CYP4X1: variants seen among roughly 807,000 people sequenced by gnomAD.
CYP4X1 encodes the protein cytochrome P450 family 4 subfamily X member 1.
A neutral mutation model predicts 57.9 loss-of-function variants in CYP4X1; 44 were observed. The observed-to-expected ratio is 0.76, with a 90% CI of 0.60 to 0.98. CYP4X1 has a LOEUF of 0.98. Ranked by LOEUF, CYP4X1 falls within the 50% of genes least tolerant of loss-of-function variation. The pLI, the probability that CYP4X1 is intolerant of heterozygous loss-of-function variation, is 0.00. For synonymous variants in CYP4X1, 227 were observed against 228.6 expected (o/e 0.99, Z 0.06); for missense variants, 532 against 623.9 (o/e 0.85, Z 1.57).
chr1:47,033,338 G>A lies in CYP4X1; in HGVS notation c.462G>A (p.Glu154=). ...FHFNILKAYI[E]VMAHSVKMML... is the part of the protein sequence containing the mutation. ...TTAACATCCTGAAAGCATACATTGA[G>A]GTGATGGCTCATTCTGTGAAAATGA... Residue 154 remains glutamate, a synonymous_variant, in exon 4 of 12, where the codon GAG becomes GAA. Transcript: ENST00000371901. 6.2e-7 allele frequency: 1 copy of A among 1,613,772 alleles called. No individual in the cohort carries two copies. Among genetic ancestry groups the A allele is most frequent in the Middle Eastern group, 1.7e-4 (1 of 6,058 alleles).
chr1:46,963,436 T>C, the CYP4X1 span, among the ~76,000 whole-genome samples: 13 of 151,014 alleles, frequency 8.6e-5, no homozygotes, highest in African/African-American at 3.1e-4. Context: ...GGAGCTCTTG[T>C]AAGGCAGGCC....
chr1:47,006,818 G>A, the CYP4X1 span, among the ~76,000 whole-genome samples: 4 of 152,314 alleles, frequency 2.6e-5, no homozygotes, highest in African/African-American at 9.6e-5. Context: ...CTATGCTCAC[G>A]GAGCCTCGCT....
the CYP4X1 span, among the ~76,000 whole-genome samples, chr1:46,970,180 A>G: frequency 6.6e-6 from 1 of 152,216 alleles, no homozygotes; most frequent in Non-Finnish European, 1.5e-5. Context: ...ATTGAGAAAA[A>G]CAAACACCTG....
In CYP4X1 at chr1:47,050,478, A is replaced by G. The variant is rs1644351996; in HGVS notation, c.*304A>G. On this transcript the variant is annotated 3_prime_UTR_variant, in exon 12 of 12. Coordinates refer to ENST00000371901, the MANE Select transcript of CYP4X1 (RefSeq NM_178033.2). ...TTAAAATAGTTTTCAGAATTATGCA[A>G]GTAATAAGTGCATGTATGCTCACTG... is the stretch of plus-strand genomic sequence containing the variant. The G allele has an allele frequency of 4.8e-6, 1 of 208,512 alleles. No homozygotes were observed. Among genetic ancestry groups the G allele is most frequent in the African/African-American group, 2.3e-5 (1 of 42,930 alleles). 12.9% of individuals were successfully genotyped at this position (208,512 alleles called of 1,614,324 possible). A position where few individuals can be genotyped will look rare whatever the true frequency, so the allele number is the denominator to read the frequency against.
At chr1:47,053,156 G>T (rs1424844260), downstream of CYP4X1, among the ~76,000 whole-genome samples, 1 of 152,046 alleles carries the variant, frequency 6.6e-6, no homozygotes, top group Non-Finnish European at 1.5e-5. Context: ...CTATGAGTGA[G>T]AACATGCGGT....
the CYP4X1 span, among the ~76,000 whole-genome samples, chr1:47,004,858 T>C: frequency 5.3e-5 from 8 of 152,312 alleles, no homozygotes; most frequent in South Asian, 1.7e-3. Flanking sequence ...TGTTTTCTTA[T>C]GCTAAATTCT....
chr1:46,989,782 AC>A, the CYP4X1 span, among the ~76,000 whole-genome samples: 1 of 152,242 alleles, frequency 6.6e-6, no homozygotes, highest in African/African-American at 2.4e-5. Flanking sequence ...GACAAACCTG[AC>A]AAAAACAAGA....
the CYP4X1 span, among the ~76,000 whole-genome samples, chr1:47,009,631 T>C: frequency 6.6e-6 from 1 of 152,160 alleles, no homozygotes; most frequent in Non-Finnish European, 1.5e-5. Flanking sequence ...AGCTGGTTTT[T>C]TGAAAAGATC....
chr1:47,039,821 A>G (rs1644226250), intron 8 of CYP4X1: 1 of 194,276 alleles, frequency 5.1e-6, no homozygotes, highest in African/African-American at 2.3e-5. Flanking sequence ...TGCATTGGAA[A>G]TGAGGACTTG....
At chr1:46,975,505 G>A in the CYP4X1 span, among the ~76,000 whole-genome samples, 1 of 152,040 alleles carries the variant, frequency 6.6e-6, no homozygotes, top group Non-Finnish European at 1.5e-5. Flanking sequence ...ATCTCCTCTG[G>A]TTTGTAGATT....
At chr1:46,987,090 T>C in the CYP4X1 span, among the ~76,000 whole-genome samples, 86 of 152,232 alleles carry the variant, frequency 5.6e-4, no homozygotes, top group African/African-American at 1.8e-3. Context: ...GCAAATTGGA[T>C]AAAGAGTCAA....
chr1:47,053,893 GT>G (rs1644375083), downstream of CYP4X1, among the ~76,000 whole-genome samples: 1 of 152,148 alleles, frequency 6.6e-6, no homozygotes. Context: ...ATGGTAGTTT[GT>G]TTTGCTGTGC....
At chr1:47,006,741 T>C in the CYP4X1 span, among the ~76,000 whole-genome samples, 1 of 152,196 alleles carries the variant, frequency 6.6e-6, no homozygotes, top group East Asian at 1.9e-4. Context: ...CCTAATACTG[T>C]GCTTTTCCAA....
chr1:46,978,449 C>A, the CYP4X1 span, among the ~76,000 whole-genome samples: 1 of 152,054 alleles, frequency 6.6e-6, no homozygotes, highest in African/African-American at 2.4e-5. Context: ...ATATATGCAC[C>A]CAATACAGGA....
At chr1:47,043,907 G>C (rs778188590) in intron 8 of CYP4X1, among the ~76,000 whole-genome samples, 1 of 152,176 alleles carries the variant, frequency 6.6e-6, no homozygotes, top group East Asian at 1.9e-4. Context: ...TAAAAGTTCA[G>C]CTACCTTTGC....
Position 47,038,715 on chromosome 1 carries a change from C to T in CYP4X1, c.831C>T (p.Asn277=). The change falls in exon 7 of 12, where the codon AAC becomes AAT. Residue 277 remains asparagine, a synonymous_variant. Transcript: ENST00000371901. The stretch of plus-strand genomic sequence containing the variant: ...TCCAGGCTGGGGTAAAGCAGGATAA[C>T]ACTCCGAAGAGGAAGTACCAGGATT... The part of the protein sequence containing the change: ...KSLQAGVKQD[N]TPKRKYQDFL... 1.9e-6 allele frequency: 3 copies of T among 1,611,274 alleles called. No individual in the cohort carries two copies. Among genetic ancestry groups the T allele is most frequent in the East Asian group, 2.2e-5 (1 of 44,658 alleles).
chr1:47,008,492 A>T, the CYP4X1 span, among the ~76,000 whole-genome samples: 1 of 152,240 alleles, frequency 6.6e-6, no homozygotes, highest in Non-Finnish European at 1.5e-5. Flanking sequence ...AAGACCATCA[A>T]GGGCAGGAAA....
At chr1:47,008,779 T>C in the CYP4X1 span, among the ~76,000 whole-genome samples, 1 of 152,150 alleles carries the variant, frequency 6.6e-6, no homozygotes, top group African/African-American at 2.4e-5. Flanking sequence ...TCCTAGTCTC[T>C]GATAAAACAG....
the CYP4X1 span, chr1:46,994,280 A>T: frequency 6.6e-6 from 1 of 152,152 alleles, no homozygotes; most frequent in Non-Finnish European, 1.5e-5. Context: ...ATTCTGTTCC[A>T]TTGGTCTATA....
Sources: gnomAD v4.1 joint callset for allele counts (sites outside exome capture counted in the v4.1 genomes callset) on GRCh38, gnomAD v4.1.1 for gene constraint, MANE v1.5 for transcripts, NCBI Gene and HGNC (gene_info 2026-07-23, HGNC 2026-07-21) for gene names.